Variants in PCDHGA3 observed in about 807,000 individuals in gnomAD.
PCDHGA3 encodes the protein protocadherin gamma subfamily A, 3.
PCDHGA3 carries 40 observed loss-of-function variants against 58.5 expected under a neutral mutation model. The ratio of observed to expected loss-of-function variants is 0.68; its 90% CI spans 0.53 to 0.89. The LOEUF is 0.89. Among genes scored for constraint, PCDHGA3 ranks in the 40% least tolerant of loss-of-function variants. PCDHGA3 has a pLI of 0.00. For missense variants in PCDHGA3, 1,223 were observed against 1,195.9 expected (o/e 1.02, Z -0.33); for synonymous variants, 530 against 525.7 (o/e 1.01, Z -0.11).
intron 1 of PCDHGA3, among the ~76,000 whole-genome samples, chr5:141,373,599 T>A (rs1769720123): frequency 6.6e-6 from 1 of 152,236 alleles, no homozygotes; most frequent in Non-Finnish European, 1.5e-5. Flanking sequence ...GTGATGATAA[T>A]TCAAAATTTA....
rs116187844 is a variant in PCDHGA3, at chr5:141,424,198, C to T, written c.2425-70609C>T. The T allele has an allele frequency of 8.5e-3, 1,543 of 182,010 alleles. 28 individuals are homozygous for T. Among genetic ancestry groups the T allele is most frequent in the African/African-American group, 0.035 (1,445 of 41,852 alleles). The allele number at this position is 182,010 out of a possible 1,614,324, so 11.3% of individuals were successfully genotyped here. ...ATACACATGCACACACACTTATACA[C>T]GTAAGCTTTTCTCTGAGCAATTTTA... On this transcript the variant is annotated intron_variant, in intron 1 of 3. Coordinates refer to ENST00000253812, the MANE Select transcript of PCDHGA3 (RefSeq NM_018916.4).
At chr5:141,389,714 C>A in intron 1 of PCDHGA3, 1 of 1,612,536 alleles carries the variant, frequency 6.2e-7, no homozygotes, top group South Asian at 1.1e-5. Flanking sequence ...TGCAGGCTAG[C>A]GAGCCCGGGC....
intron 3 of PCDHGA3, 43 bp from the exon 4 acceptor site, chr5:141,510,903 GA>G: frequency 6.2e-7 from 1 of 1,613,454 alleles, no homozygotes; most frequent in Non-Finnish European, 8.5e-7. Flanking sequence ...GACTGTTGAG[GA>G]CCCTAAGTTT....
In PCDHGA3 at chr5:141,431,118, A is replaced by T. The variant is rs2097344347; in HGVS notation, c.2425-63689A>T. On this transcript the variant is annotated intron_variant, in intron 1 of 3. Coordinates refer to ENST00000253812, the MANE Select transcript of PCDHGA3 (RefSeq NM_018916.4). This position sits in a 1 kb window ranked among gnomAD's most constrained non-coding sequence, Gnocchi z 4.8. ...GATAAAGTGAAAATATATGGAGTAG[A>T]AGTAGAAGTAAGGGACATTAACGAC... is the stretch of plus-strand genomic sequence containing the variant. The T allele has an allele frequency of 6.2e-7, 1 of 1,614,182 alleles. No homozygotes were observed. Among genetic ancestry groups the T allele is most frequent in the African/African-American group, 1.3e-5 (1 of 75,070 alleles).
At chr5:141,498,264 C>A (rs1272117057) in intron 2 of PCDHGA3, among the ~76,000 whole-genome samples, 2 of 152,016 alleles carry the variant, frequency 1.3e-5, no homozygotes, top group Admixed American at 1.3e-4. Context: ...GTGTTGAGTT[C>A]TTCAGTAAAC....
rs35821115 is a variant in PCDHGA3, at chr5:141,460,961, ATGTG to A, written c.2425-33826_2425-33823del. 3.6e-3 allele frequency among the ~76,000 whole-genome samples: 519 copies of A among 144,600 alleles called. 3 individuals carry two copies. The highest frequency in any genetic ancestry group is 4.3e-3 in the African/African-American group (168 of 38,712). The allele number at this position is 144,600 out of a possible 152,430, so 94.9% of individuals were successfully genotyped here. A position where few individuals can be genotyped will look rare whatever the true frequency, so the allele number is the denominator to read the frequency against. ...ATATATATGTATTATGTATATATAT[ATGTG>A]TGTGTGTGTGTGTGTGTGTATATAT... On this transcript the variant is annotated intron_variant, in intron 1 of 3. Transcript: ENST00000253812.
At chr5:141,418,405 G>T in intron 1 of PCDHGA3, 1 of 1,614,020 alleles carries the variant, frequency 6.2e-7, no homozygotes, top group African/African-American at 1.3e-5. Context: ...CATTGGTGGA[G>T]AAAGACAATC....
In PCDHGA3 at chr5:141,511,580, G is replaced by A. The variant is rs1436011320; in HGVS notation, c.*407G>A. ...CTCTTTCCCGAGTAAGGTGGTTGGG[G>A]TGTTGAAGTACCAAGTAACCTACAA... On this transcript the variant is annotated 3_prime_UTR_variant, in exon 4 of 4. Coordinates refer to ENST00000253812, the MANE Select transcript of PCDHGA3 (RefSeq NM_018916.4). 2 of 282,206 alleles carry A rather than the reference G, an allele frequency of 7.1e-6. No individual in the cohort carries two copies. Among genetic ancestry groups the A allele is most frequent in the Admixed American group, 4.6e-5 (1 of 21,516 alleles). The allele number at this position is 282,206 out of a possible 1,614,324, so 17.5% of individuals were successfully genotyped here.
At chr5:141,355,118 T>C in intron 1 of PCDHGA3, 1 of 1,514,140 alleles carries the variant, frequency 6.6e-7, no homozygotes, top group Non-Finnish European at 8.8e-7. Context: ...ATGCACTTTA[T>C]TTTGGACCCA....
chr5:141,500,184 TTTTA>T (rs58019021), intron 2 of PCDHGA3, among the ~76,000 whole-genome samples: 6,359 of 135,894 alleles, frequency 0.047, 285 homozygotes, highest in African/African-American at 0.12. Context: ...TCATTTTTAT[TTTTA>T]TTTATTTATT....
intron 1 of PCDHGA3, chr5:141,357,321 T>A (rs1203319140): frequency 6.2e-7 from 1 of 1,613,998 alleles, no homozygotes; most frequent in Non-Finnish European, 8.5e-7. Flanking sequence ...TCCTGGCTTT[T>A]GTCACGGTGC....
chr5:141,377,395 C>T (rs1468880998), intron 1 of PCDHGA3: 1 of 151,984 alleles, frequency 6.6e-6, no homozygotes, highest in Non-Finnish European at 1.5e-5. Context: ...CCCTTGAGAC[C>T]AGGAGTTTGA....
rs2090285300 is a variant in PCDHGA3 at position 141,385,561 on chromosome 5, TC to T, written c.2424+39106del. On this transcript the variant is annotated intron_variant, in intron 1 of 3. Coordinates refer to ENST00000253812, the MANE Select transcript of PCDHGA3 (RefSeq NM_018916.4). ...ATGTGGACTATCACATTTTATAATT[TC>T]CACCTACTTTCCAATCTATGTTCCA... The T allele has an allele frequency of 1.2e-5, 16 of 1,309,040 alleles. No homozygotes were observed. In the South Asian group the frequency reaches 3.4e-4, roughly 28 times the overall value. 81.1% of individuals were successfully genotyped at this position (1,309,040 alleles called of 1,614,324 possible).
At chr5:141,413,444 C>T (rs2095641519) in intron 1 of PCDHGA3, 2 of 1,613,998 alleles carry the variant, frequency 1.2e-6, no homozygotes, top group Non-Finnish European at 1.7e-6. Context: ...AGCTTGATCA[C>T]CGCGGGCAGG....
intron 1 of PCDHGA3, among the ~76,000 whole-genome samples, chr5:141,347,095 C>T (rs938704092): frequency 1.3e-5 from 2 of 149,400 alleles, no homozygotes; most frequent in Non-Finnish European, 3.0e-5. Flanking sequence ...TCCTTCCTTC[C>T]TTCCTCTCTC....
intron 3 of PCDHGA3, among the ~76,000 whole-genome samples, chr5:141,508,855 C>T (rs2099872444): frequency 6.6e-6 from 1 of 152,020 alleles, no homozygotes; most frequent in Non-Finnish European, 1.5e-5. Flanking sequence ...CATTCCCAGG[C>T]TGGGAAAGGC....
intron 1 of PCDHGA3, chr5:141,351,078 A>C (rs1758637541): frequency 2.5e-6 from 4 of 1,613,942 alleles, no homozygotes; most frequent in Non-Finnish European, 3.4e-6. Flanking sequence ...ATTAATGCAG[A>C]GATCACCTAT....
chr5:141,505,960 G>A (rs2099849410), intron 3 of PCDHGA3, among the ~76,000 whole-genome samples: 1 of 152,202 alleles, frequency 6.6e-6, no homozygotes, highest in Non-Finnish European at 1.5e-5. Context: ...AGTGGGTGTA[G>A]AAATCCCCAG....
intron 1 of PCDHGA3, among the ~76,000 whole-genome samples, chr5:141,347,591 AC>A (rs1469588771): frequency 6.6e-6 from 1 of 152,062 alleles, no homozygotes; most frequent in Non-Finnish European, 1.5e-5. Context: ...GTTCAAGAAC[AC>A]CCTGGCCAAC....
Sources: allele counts gnomAD v4.1 joint callset (sites outside exome capture counted in the v4.1 genomes callset), GRCh38; gene constraint gnomAD v4.1.1; non-coding constraint Gnocchi (gnomAD v3.1); transcripts MANE v1.5; gene names NCBI Gene and HGNC (gene_info 2026-07-23, HGNC 2026-07-21).